FBXO34: variants seen among roughly 807,000 people sequenced by gnomAD.
The protein encoded by FBXO34 is F-box only protein 34.
A neutral mutation model predicts 24.5 loss-of-function variants in FBXO34; 12 were observed. That is an observed-to-expected ratio of 0.49 (90% confidence interval 0.31 to 0.79). The LOEUF (loss-of-function observed/expected upper bound fraction) is 0.79, where lower values mean the gene tolerates loss of function less well. FBXO34 is among the 30% of genes least tolerant of loss of function. The pLI is 0.04. For missense variants in FBXO34, 823 were observed against 857.7 expected (o/e 0.96, Z 0.51); for synonymous variants, 320 against 311.9 (o/e 1.03, Z -0.27).
the FBXO34 span, chr14:55,440,703 G>A: frequency 3.7e-6 from 3 of 816,604 alleles, no homozygotes; most frequent in East Asian, 6.0e-5. Context: ...GTGGGCCGGA[G>A]AGGGGCGTCT....
At chr14:55,401,756 G>T in the FBXO34 span, among the ~76,000 whole-genome samples, 1 of 152,154 alleles carries the variant, frequency 6.6e-6, no homozygotes, top group African/African-American at 2.4e-5. Flanking sequence ...CACAGCCCCA[G>T]TGGCACCAGA....
At chr14:55,335,745 T>G (rs1281917722) in intron 1 of FBXO34, among the ~76,000 whole-genome samples, 1 of 152,228 alleles carries the variant, frequency 6.6e-6, no homozygotes, top group Non-Finnish European at 1.5e-5. Flanking sequence ...ATCAATCAGT[T>G]TCCATGTTTA....
At position 55,351,593 on chromosome 14, in the gene FBXO34, C is replaced by T. The variant is rs771722521; in HGVS notation, c.1203C>T (p.Asn401=). 7.4e-6 allele frequency: 12 copies of T among 1,614,208 alleles called. No individual in the cohort carries two copies. Among genetic ancestry groups the T allele is most frequent in the Middle Eastern group, 3.3e-4 (2 of 6,062 alleles). Residue 401 remains asparagine, a synonymous_variant, in exon 2 of 2, where the codon AAC becomes AAT. Transcript: ENST00000313833. ...PGSQTAVKNS[N]RYDVEMTDEL... ...CGCAAACTGCCGTGAAAAACAGCAA[C>T]AGATATGATGTGGAAATGACAGATG... is the stretch of plus-strand genomic sequence containing the variant.
chr14:55,376,110 T>C, the FBXO34 span, among the ~76,000 whole-genome samples: 2 of 152,138 alleles, frequency 1.3e-5, no homozygotes, highest in African/African-American at 2.4e-5. Context: ...TACTGTGGAG[T>C]CAGCCAGGTG....
At chr14:55,324,434 A>G (rs1170579422) in intron 1 of FBXO34, among the ~76,000 whole-genome samples, 6 of 151,258 alleles carry the variant, frequency 4.0e-5, no homozygotes, top group African/African-American at 1.5e-4. Context: ...TCTTTTGGGT[A>G]TATACCTAGC....
At chr14:55,420,774 TG>T in the FBXO34 span, among the ~76,000 whole-genome samples, 1 of 151,974 alleles carries the variant, frequency 6.6e-6, no homozygotes, top group Non-Finnish European at 1.5e-5. Flanking sequence ...AAAAGAAATT[TG>T]GGGGTTGGGT....
At chr14:55,316,017 C>T (rs10139083) in intron 1 of FBXO34, among the ~76,000 whole-genome samples, 1 of 151,822 alleles carries the variant, frequency 6.6e-6, no homozygotes, top group Non-Finnish European at 1.5e-5. Context: ...TTTTCTATTG[C>T]GTTTTTCATT....
intron 1 of FBXO34, among the ~76,000 whole-genome samples, chr14:55,319,407 T>A (rs373012186): frequency 1.3e-5 from 2 of 152,232 alleles, no homozygotes; most frequent in Admixed American, 1.3e-4. Flanking sequence ...AGCATTTATA[T>A]AGAAAGGACT....
the FBXO34 span, among the ~76,000 whole-genome samples, chr14:55,427,866 A>T: frequency 6.8e-6 from 1 of 147,828 alleles, no homozygotes; most frequent in Non-Finnish European, 1.5e-5. Context: ...TAGGGGACAA[A>T]CTAGTTAGGA....
intron 1 of FBXO34, among the ~76,000 whole-genome samples, chr14:55,320,274 G>T (rs1002778231): frequency 1.3e-5 from 2 of 152,172 alleles, no homozygotes; most frequent in Non-Finnish European, 2.9e-5. Flanking sequence ...TCAGGCGGTT[G>T]ACTTTGTCAA....
the FBXO34 span, chr14:55,433,693 C>T: frequency 8.7e-6 from 14 of 1,614,040 alleles, no homozygotes; most frequent in South Asian, 2.2e-5. Context: ...CCTGGGCTCT[C>T]GGATCCTCAT....
chr14:55,384,437 CCT>C, the FBXO34 span, among the ~76,000 whole-genome samples: 1 of 152,228 alleles, frequency 6.6e-6, no homozygotes, highest in Non-Finnish European at 1.5e-5. Flanking sequence ...ACCTTATTCA[CCT>C]CTCTCCAACT....
At chr14:55,429,225 G>A in the FBXO34 span, among the ~76,000 whole-genome samples, 1 of 152,184 alleles carries the variant, frequency 6.6e-6, no homozygotes, top group African/African-American at 2.4e-5. Context: ...CATATATGAA[G>A]TACTTTTACT....
At chr14:55,369,381 G>C, downstream of FBXO34, 1 of 353,058 alleles carries the variant, frequency 2.8e-6, no homozygotes, top group Non-Finnish European at 5.0e-6. Flanking sequence ...ACCAGCACTG[G>C]TCTGGGTAGA....
intron 1 of FBXO34, among the ~76,000 whole-genome samples, chr14:55,319,755 A>G (rs1201062273): frequency 6.6e-6 from 1 of 152,146 alleles, no homozygotes; most frequent in Non-Finnish European, 1.5e-5. Flanking sequence ...GGCTCACTGC[A>G]AGCTCTGCCT....
chr14:55,313,095 T>C (rs1459901897), intron 1 of FBXO34, among the ~76,000 whole-genome samples: 1 of 152,222 alleles, frequency 6.6e-6, no homozygotes, highest in African/African-American at 2.4e-5. Flanking sequence ...TGCTTAGAAC[T>C]GAATGCTTTT....
chr14:55,395,516 C>T, the FBXO34 span, among the ~76,000 whole-genome samples: 1 of 152,202 alleles, frequency 6.6e-6, no homozygotes, highest in Non-Finnish European at 1.5e-5. Flanking sequence ...TTGCACCTGG[C>T]CGGAAGTTTT....
the FBXO34 span, among the ~76,000 whole-genome samples, chr14:55,380,875 A>ATATATTTTTTTT: frequency 8.9e-6 from 1 of 112,734 alleles, no homozygotes; most frequent in Non-Finnish European, 1.7e-5. Context: ...ATATATATAT[A>ATATATTTTTTTT]TTTTTTTTTT....
At chr14:55,355,391 T>A (rs1238614636), downstream of FBXO34, among the ~76,000 whole-genome samples, 1 of 152,170 alleles carries the variant, frequency 6.6e-6, no homozygotes, top group East Asian at 1.9e-4. Context: ...TTCAGCGCCC[T>A]CTGCACATCT....
Sources: allele counts gnomAD v4.1 joint callset (sites outside exome capture counted in the v4.1 genomes callset), GRCh38; gene constraint gnomAD v4.1.1; transcripts MANE v1.5; gene names NCBI Gene and HGNC (gene_info 2026-07-23, HGNC 2026-07-21).